The following GTF2H3 variants were observed in gnomAD, a reference collection of about 807,000 sequenced individuals.
GTF2H3 encodes the protein general transcription factor IIH subunit 3, also known as TFIIH basal transcription factor complex p34 subunit.
In GTF2H3, 42 loss-of-function variants were observed where a neutral mutation model predicts 51.1. That is an observed-to-expected ratio of 0.82 (90% CI 0.64 to 1.06). The LOEUF is 1.06. GTF2H3 is among the 50% of genes least tolerant of loss of function. The pLI is 0.00. For missense variants in GTF2H3, 326 were observed against 366.1 expected, an observed-to-expected ratio of 0.89 and a Z score of 0.89; for synonymous variants, 123 against 123.8, an observed-to-expected ratio of 0.99 and a Z score of 0.04.
chr12:123,643,660 G>T (rs991420200), intron 2 of GTF2H3, among the ~76,000 whole-genome samples: 1 of 151,998 alleles, frequency 6.6e-6, no homozygotes, highest in African/African-American at 2.4e-5. Context: ...TTAAATTAAT[G>T]ATTTATGGAC....
At chr12:123,648,231 G>A (rs944023130) in intron 4 of GTF2H3, 105 bp downstream of exon 4, 42 of 700,464 alleles carry the variant, frequency 6.0e-5, no homozygotes, top group Middle Eastern at 7.2e-4. Flanking sequence ...ATGCCTGCAC[G>A]TTCTCACTTT....
chr12:123,644,209 C>T (rs1955416250), intron 2 of GTF2H3, among the ~76,000 whole-genome samples: 1 of 152,002 alleles, frequency 6.6e-6, no homozygotes, highest in South Asian at 2.1e-4. Context: ...CTTATGAAGA[C>T]TGAAACTTCA....
At chr12:123,648,260 A>G (rs186834460) in intron 4 of GTF2H3, 134 bp downstream of exon 4, 11 of 610,076 alleles carry the variant, frequency 1.8e-5, no homozygotes, top group Non-Finnish European at 2.8e-5. Context: ...CATTTTCGTC[A>G]AAGTTGGTTC....
chr12:123,662,135 CA>C lies in GTF2H3; in HGVS notation c.*1921del, dbSNP rs34339027. 0.46 allele frequency: 36,874 copies of C among 80,662 alleles called. 4,911 individuals carry two copies. The highest frequency in any genetic ancestry group is 0.5 in the African/African-American group (11,384 of 22,888). The allele number at this position is 80,662 out of a possible 1,614,324, so 5.0% of individuals were successfully genotyped here. On this transcript the variant is annotated 3_prime_UTR_variant, in exon 13 of 13. Transcript: ENST00000543341. ...GGGCGACAAGAACAAAACTCTGTCT[CA>C]AAAAAAAAAAAAAAAAAAAAGTCTG...
chr12:123,652,437 G>A (rs1321649062), intron 5 of GTF2H3, 95 bp from the exon 6 acceptor site: 1 of 711,662 alleles, frequency 1.4e-6, no homozygotes, highest in Non-Finnish European at 2.3e-6. Context: ...GGTAGATGCT[G>A]GGTTTATTTA....
At chr12:123,653,182 C>T (rs1441698939) in intron 7 of GTF2H3, among the ~76,000 whole-genome samples, 1 of 152,034 alleles carries the variant, frequency 6.6e-6, no homozygotes, top group African/African-American at 2.4e-5. Flanking sequence ...ATTCATTTAA[C>T]AAGCAATGTG....
At position 123,660,544 on chromosome 12, in the gene GTF2H3, C is replaced by G; in HGVS notation, c.*309C>G. 4.7e-6 allele frequency: 1 copy of G among 211,918 alleles called. No homozygotes were observed. The highest frequency in any genetic ancestry group is 9.3e-6 in the Non-Finnish European group (1 of 107,570). The allele number at this position is 211,918 out of a possible 1,614,324, so 13.1% of individuals were successfully genotyped here. A position where few individuals can be genotyped will look rare whatever the true frequency, so the allele number is the denominator to read the frequency against. On this transcript the variant is annotated 3_prime_UTR_variant, in exon 13 of 13. Transcript: ENST00000543341. ...CTTGTCATGACTCATCATAGGCTTTCTAACCTACTCCCTGAATCCGGGTCC... is the reference window on the plus strand; with the variant it reads ...CTTGTCATGACTCATCATAGGCTTTGTAACCTACTCCCTGAATCCGGGTCC...
chr12:123,647,256 A>C (rs1051273203), intron 3 of GTF2H3, among the ~76,000 whole-genome samples: 8 of 152,062 alleles, frequency 5.3e-5, no homozygotes, highest in Non-Finnish European at 8.8e-5. Context: ...ACTTGAGGTC[A>C]GTTTGAGACC....
chr12:123,647,505 T>C (rs773059159), intron 3 of GTF2H3, among the ~76,000 whole-genome samples: 3 of 151,766 alleles, frequency 2.0e-5, no homozygotes, highest in Non-Finnish European at 4.4e-5. Context: ...ACTGGGAGAA[T>C]CTTTTCAGGG....
At chr12:123,644,962 G>A (rs1015946266) in intron 2 of GTF2H3, among the ~76,000 whole-genome samples, 2 of 152,192 alleles carry the variant, frequency 1.3e-5, no homozygotes, top group African/African-American at 4.8e-5. Flanking sequence ...TCTCATATAA[G>A]TACAATTAGA....
Position 123,633,848 on chromosome 12 carries a change from G to A in GTF2H3, c.-12G>A. ...ACCACCACTTGCTCTGCGCTGAGGT[G>A]CTGGGACAGCCATGGTTTCAGACGG... On this transcript the variant is annotated 5_prime_UTR_variant, in exon 1 of 13. Transcript: ENST00000543341. 1 of 1,613,104 alleles carries A rather than the reference G, an allele frequency of 6.2e-7. No homozygotes were observed. Among genetic ancestry groups the A allele is most frequent in the Non-Finnish European group, 8.5e-7 (1 of 1,180,014 alleles).
At chr12:123,647,859 T>G in intron 3 of GTF2H3, 104 bp from the exon 4 acceptor site, 4 of 637,596 alleles carry the variant, frequency 6.3e-6, no homozygotes, top group East Asian at 2.9e-5. Flanking sequence ...GAGTCCCACA[T>G]TGTTGTAATT....
chr12:123,659,512 G>C lies in GTF2H3; in HGVS notation c.616-4G>C. 1 of 1,614,090 alleles carries C rather than the reference G, an allele frequency of 6.2e-7. No homozygotes were observed. The highest frequency in any genetic ancestry group is 1.6e-4 in the Middle Eastern group (1 of 6,062). The stretch of plus-strand genomic sequence containing the variant: ...TTTGGCAGCAAGCCGCCTGTGTCTT[G>C]CAGGCTTGTGACATCACGGGAGGAC... On this transcript the variant is annotated splice_region_variant and splice_polypyrimidine_tract_variant and intron_variant, in intron 9 of 12. Coordinates refer to ENST00000543341, the MANE Select transcript of GTF2H3 (RefSeq NM_001516.5).
intron 1 of GTF2H3, among the ~76,000 whole-genome samples, chr12:123,638,252 G>A (rs1263223914): frequency 1.3e-5 from 2 of 151,752 alleles, no homozygotes; most frequent in East Asian, 1.9e-4. Flanking sequence ...TCCGCCTCCC[G>A]GGTTCAAGTG....
intron 2 of GTF2H3, 52 bp from the exon 3 acceptor site, chr12:123,645,403 T>A (rs896025335): frequency 6.8e-5 from 65 of 950,866 alleles, no homozygotes; most frequent in African/African-American, 5.6e-4. Context: ...AGACCTGACA[T>A]GGTTATTTGG....
intron 1 of GTF2H3, among the ~76,000 whole-genome samples, chr12:123,638,798 T>A (rs1955325065): frequency 6.7e-6 from 1 of 148,924 alleles, no homozygotes; most frequent in Non-Finnish European, 1.5e-5. Flanking sequence ...AAAGCTTTTT[T>A]TTTTTTTTTT....
In GTF2H3 at chr12:123,657,494, A is replaced by G. The variant is rs11572995; in HGVS notation, c.615+1670A>G. Among the ~76,000 whole-genome samples, 537 of 152,322 alleles carry G rather than the reference A, an allele frequency of 3.5e-3. 1 individual carries two copies. Among genetic ancestry groups the G allele is most frequent in the Middle Eastern group, 0.014 (4 of 294 alleles). The stretch of plus-strand genomic sequence containing the variant: ...GCAAGCTCTTCCCGCAGGTGTTTGC[A>G]TGGCCTACTCCCTGCCTGCCTTCAC... On this transcript the variant is annotated intron_variant, in intron 9 of 12. Transcript: ENST00000543341.
chr12:123,639,135 A>C, intron 1 of GTF2H3, 129 bp from the exon 2 acceptor site: 1 of 594,198 alleles, frequency 1.7e-6, no homozygotes, highest in South Asian at 2.2e-5. Context: ...TAATCTCATA[A>C]TTATAAGGTG....
chr12:123,660,351 C>T lies in GTF2H3; in HGVS notation c.*116C>T. The T allele has an allele frequency of 1.5e-6, 1 of 667,776 alleles. No homozygotes were observed. The highest frequency in any genetic ancestry group is 2.5e-6 in the Non-Finnish European group (1 of 406,926). The allele number at this position is 667,776 out of a possible 1,614,324, so 41.4% of individuals were successfully genotyped here. A position where few individuals can be genotyped will look rare whatever the true frequency, so the allele number is the denominator to read the frequency against. ...TATAGGATAATTTTTAATATGGTGA[C>T]CTTACAGAAAATATTTCCCAAACAT... On this transcript the variant is annotated 3_prime_UTR_variant, in exon 13 of 13. Transcript: ENST00000543341.
Sources: allele counts gnomAD v4.1 joint callset (sites outside exome capture counted in the v4.1 genomes callset), GRCh38; gene constraint gnomAD v4.1.1; transcripts MANE v1.5; gene names NCBI Gene and HGNC (gene_info 2026-07-23, HGNC 2026-07-21).